The following NCOA2 variants were observed in gnomAD, a reference collection of about 807,000 sequenced individuals.
The protein encoded by NCOA2 is class E basic helix-loop-helix protein 75.
In NCOA2, 21 loss-of-function variants were observed where a neutral mutation model predicts 145.1. The observed-to-expected ratio is 0.14, with a 90% CI of 0.10 to 0.21. NCOA2 has a LOEUF of 0.21. NCOA2 is among the 10% of genes least tolerant of loss of function. NCOA2 has a pLI of 1.00. For synonymous variants in NCOA2, 619 were observed against 637.5 expected, an observed-to-expected ratio of 0.97 and a Z score of 0.44; for missense variants, 1,472 against 1,837.6, an observed-to-expected ratio of 0.80 and a Z score of 3.64.
intron 1 of NCOA2, among the ~76,000 whole-genome samples, chr8:70,399,057 G>C (rs182786422): frequency 6.6e-6 from 1 of 152,244 alleles, no homozygotes; most frequent in African/African-American, 2.4e-5. Context: ...ACCCACAAAA[G>C]TCACATTCGT....
At chr8:70,205,720 T>C (rs1445234011) in intron 4 of NCOA2, among the ~76,000 whole-genome samples, 2 of 151,938 alleles carry the variant, frequency 1.3e-5, no homozygotes, top group African/African-American at 2.4e-5. Context: ...AGGTTGTCGG[T>C]TGGAGCAAGG....
chr8:70,293,524 C>G (rs924683139), intron 2 of NCOA2, among the ~76,000 whole-genome samples: 12 of 152,234 alleles, frequency 7.9e-5, no homozygotes, highest in Non-Finnish European at 1.2e-4. Flanking sequence ...ACTTCTCCCC[C>G]ATGTTGGTAT....
At chr8:70,241,514 T>A (rs539846784) in intron 2 of NCOA2, among the ~76,000 whole-genome samples, 1 of 152,298 alleles carries the variant, frequency 6.6e-6, no homozygotes, top group African/African-American at 2.4e-5. Context: ...TTCACTAAAG[T>A]ACAAACATTA....
chr8:70,367,738 G>T (rs193240676), intron 1 of NCOA2, among the ~76,000 whole-genome samples: 4 of 152,228 alleles, frequency 2.6e-5, no homozygotes, highest in African/African-American at 9.6e-5. Flanking sequence ...GAATCAAAGT[G>T]AAAACCACCA....
At chr8:70,173,754 C>T (rs1456383611) in intron 5 of NCOA2, among the ~76,000 whole-genome samples, 2 of 152,042 alleles carry the variant, frequency 1.3e-5, no homozygotes, top group East Asian at 1.9e-4. Flanking sequence ...CTCTTGGAGT[C>T]TTTATTGTGT....
chr8:70,177,701 T>G (rs1815027976), intron 4 of NCOA2, among the ~76,000 whole-genome samples: 1 of 151,544 alleles, frequency 6.6e-6, no homozygotes, highest in Non-Finnish European at 1.5e-5. Context: ...AGTCCTATTA[T>G]TCTCTCAGGA....
At chr8:70,187,549 A>G (rs985561364) in intron 4 of NCOA2, among the ~76,000 whole-genome samples, 54 of 152,376 alleles carry the variant, frequency 3.5e-4, no homozygotes, top group African/African-American at 1.3e-3. Context: ...CACAACAGAC[A>G]GATATACAGA....
At position 70,128,988 on chromosome 8, in the gene NCOA2, G is replaced by C. The variant is rs746564413; in HGVS notation, c.3325-8C>G. 3.0e-5 allele frequency: 47 copies of C among 1,585,958 alleles called. No individual in the cohort carries two copies. The highest frequency in any genetic ancestry group is 1.6e-5 in the Non-Finnish European group (19 of 1,164,732). Reference sequence around the variant, plus strand: ...TGGATCTACTGCTTGGCTCTGGAGAGAAAGTCCCAAATAACAAACAAATAA... The same window carrying C: ...TGGATCTACTGCTTGGCTCTGGAGACAAAGTCCCAAATAACAAACAAATAA... On this transcript the variant is annotated splice_region_variant and splice_polypyrimidine_tract_variant and intron_variant, in intron 16 of 22. Coordinates refer to ENST00000452400, the MANE Select transcript of NCOA2 (RefSeq NM_006540.4).
chr8:70,363,449 T>G (rs1201129180), intron 1 of NCOA2, among the ~76,000 whole-genome samples: 2 of 152,126 alleles, frequency 1.3e-5, no homozygotes, highest in Non-Finnish European at 2.9e-5. Flanking sequence ...CCTAGATATT[T>G]ACCTATGTGA....
chr8:70,153,284 A>AC (rs1811945948), intron 11 of NCOA2, among the ~76,000 whole-genome samples: 3 of 152,004 alleles, frequency 2.0e-5, no homozygotes, highest in Non-Finnish European at 4.4e-5. Flanking sequence ...TTTTTGATTC[A>AC]CCCCAAAAAA....
At chr8:70,434,465 GAGAAA>G in the NCOA2 span, among the ~76,000 whole-genome samples, 3 of 152,128 alleles carry the variant, frequency 2.0e-5, no homozygotes, top group Non-Finnish European at 4.4e-5. Flanking sequence ...TTTGCTCTCT[GAGAAA>G]AGAAAAAACA....
chr8:70,249,910 C>T (rs552836653), intron 2 of NCOA2, among the ~76,000 whole-genome samples: 1 of 130,870 alleles, frequency 7.6e-6, no homozygotes, highest in East Asian at 2.1e-4. Flanking sequence ...TTGCAGTGAG[C>T]CGAGATCAGA....
intron 4 of NCOA2, among the ~76,000 whole-genome samples, chr8:70,210,812 C>T (rs1346425550): frequency 6.6e-6 from 1 of 152,162 alleles, no homozygotes; most frequent in African/African-American, 2.4e-5. Flanking sequence ...AGTATGGCCC[C>T]TCATGCAACC....
At chr8:70,415,278 A>G in the NCOA2 span, among the ~76,000 whole-genome samples, 1 of 152,008 alleles carries the variant, frequency 6.6e-6, no homozygotes, top group East Asian at 1.9e-4. Flanking sequence ...TCAGTGAGCC[A>G]TGTTCACACC....
At chr8:70,357,177 G>T (rs2130931725) in intron 1 of NCOA2, among the ~76,000 whole-genome samples, 1 of 152,084 alleles carries the variant, frequency 6.6e-6, no homozygotes, top group South Asian at 2.1e-4. Flanking sequence ...TCCTCTACCA[G>T]GGTGCAAAAT....
intron 22 of NCOA2, among the ~76,000 whole-genome samples, chr8:70,116,355 C>A (rs1484573221): frequency 2.6e-5 from 4 of 152,276 alleles, no homozygotes; most frequent in South Asian, 4.1e-4. Context: ...AGTTTGAGAG[C>A]AGCCTGGCCA....
intron 4 of NCOA2, among the ~76,000 whole-genome samples, chr8:70,196,132 T>G (rs1251349633): frequency 6.6e-6 from 1 of 152,112 alleles, no homozygotes; most frequent in Non-Finnish European, 1.5e-5. Flanking sequence ...AATCCCAGCA[T>G]GTTGGGAGGC....
chr8:70,360,928 T>A (rs1586593528), intron 1 of NCOA2, among the ~76,000 whole-genome samples: 2 of 124,292 alleles, frequency 1.6e-5, no homozygotes, highest in African/African-American at 6.5e-5. Flanking sequence ...ACAGAGTGAG[T>A]GGAGATTCCA....
At chr8:70,231,295 G>T (rs1320474025) in intron 2 of NCOA2, among the ~76,000 whole-genome samples, 1 of 152,190 alleles carries the variant, frequency 6.6e-6, no homozygotes, top group Non-Finnish European at 1.5e-5. Flanking sequence ...CTGATTCCTA[G>T]TAATTGAATA....
Sources: allele counts gnomAD v4.1 joint callset (sites outside exome capture counted in the v4.1 genomes callset), GRCh38; gene constraint gnomAD v4.1.1; transcripts MANE v1.5; gene names NCBI Gene and HGNC (gene_info 2026-07-23, HGNC 2026-07-21).